The following ARHGAP45 variants were observed in gnomAD, a reference collection of about 807,000 sequenced individuals.
The protein encoded by ARHGAP45 is rho GTPase-activating protein 45.
A neutral mutation model predicts 116.1 loss-of-function variants in ARHGAP45; 56 were observed. The ratio of observed to expected loss-of-function variants is 0.48; its 90% CI spans 0.39 to 0.60. ARHGAP45 has a LOEUF of 0.60. Among genes scored for constraint, ARHGAP45 ranks in the 20% least tolerant of loss-of-function variants. ARHGAP45 has a pLI of 0.00. For synonymous variants in ARHGAP45, 866 were observed against 701.7 expected (o/e 1.23, Z -3.70); for missense variants, 1,622 against 1,601.0 (o/e 1.01, Z -0.22).
intron 22 of ARHGAP45, 37 bp downstream of exon 22, chr19:1,084,383 C>T (rs750520497): frequency 3.9e-6 from 6 of 1,526,316 alleles, no homozygotes; most frequent in Admixed American, 3.8e-5. Context: ...CCAAGGGAGG[C>T]TGGCGTGTGC....
At chr19:1,082,029 G>C (rs2043452893) in intron 19 of ARHGAP45, 68 bp downstream of exon 19, 1 of 1,550,328 alleles carries the variant, frequency 6.5e-7, no homozygotes, top group South Asian at 1.2e-5. Context: ...GAGGCGGGGT[G>C]GGGGTCCGGG....
Position 1,086,083 on chromosome 19 carries a change from G to A in ARHGAP45, c.*77G>A. On this transcript the variant is annotated 3_prime_UTR_variant, in exon 23 of 23. Transcript: ENST00000313093. ...CCTCCAGCACGTCCCCTGCACCACG[G>A]CATAGCTTAGGTGCGCCGTCCTGGG... 2.2e-6 allele frequency: 3 copies of A among 1,334,782 alleles called. No homozygotes were observed. The highest frequency in any genetic ancestry group is 3.1e-6 in the Non-Finnish European group (3 of 956,568). The allele number at this position is 1,334,782 out of a possible 1,614,324, so 82.7% of individuals were successfully genotyped here. A position where few individuals can be genotyped will look rare whatever the true frequency, so the allele number is the denominator to read the frequency against.
Position 1,071,107 on chromosome 19 carries a change from C to G in ARHGAP45, c.422-2042C>G, listed in dbSNP as rs571944304. On this transcript the variant is annotated intron_variant, in intron 2 of 22. Transcript: ENST00000313093. The surrounding 1 kb of genome is among the most constrained non-coding windows in gnomAD (Gnocchi z 4.6). ...TTCCCTGCCCGTCCTCGACCCTCCC[C>G]ACCTCGAAGCTCTGCGGTTAAGGAA... is the stretch of plus-strand genomic sequence containing the variant. 1.8e-6 allele frequency: 2 copies of G among 1,086,224 alleles called. No individual in the cohort carries two copies. Among genetic ancestry groups the G allele is most frequent in the Non-Finnish European group, 2.4e-6 (2 of 836,132 alleles). 67.3% of individuals were successfully genotyped at this position (1,086,224 alleles called of 1,614,324 possible).
chr19:1,067,087 C>T (rs1381224054), upstream of ARHGAP45: 24 of 878,832 alleles, frequency 2.7e-5, no homozygotes, highest in Non-Finnish European at 1.4e-5. Context: ...GCGAGCGGCG[C>T]GGCTCCGAGC....
Position 1,080,713 on chromosome 19 carries a change from C to T in ARHGAP45, c.1944C>T (p.Ser648=), listed in dbSNP as rs138000003. 832 of 1,613,596 alleles carry T rather than the reference C, an allele frequency of 5.2e-4. 2 individuals carry two copies. The African/African-American group carries it at 9.8e-3, about 19-fold the overall frequency. Residue 648 remains serine (S), a synonymous_variant, in exon 16 of 23, where the codon TCC becomes TCT. Transcript: ENST00000313093. ...GDFKKFERTS[S]SGTMSSTEEL... ...TTAAGAAGTTCGAGCGGACGTCATC[C>T]AGTGGTACCATGTCGTCCACGGAGG...
At chr19:1,082,216 G>A (rs994585083) in intron 19 of ARHGAP45, among the ~76,000 whole-genome samples, 6 of 150,434 alleles carry the variant, frequency 4.0e-5, no homozygotes, top group Non-Finnish European at 5.9e-5. Context: ...GGCGGGGTGG[G>A]GCTTGGTCAG....
At chr19:1,082,756 T>TGGG (rs2043477611) in intron 19 of ARHGAP45, 84 bp from the exon 20 acceptor site, 1 of 1,117,618 alleles carries the variant, frequency 8.9e-7, no homozygotes, top group African/African-American at 2.3e-5. Flanking sequence ...TCTGTGGGGG[T>TGGG]GGGGCTGAGG....
At position 1,073,502 on chromosome 19, in the gene ARHGAP45, C is replaced by T. The variant is rs761510474; in HGVS notation, c.566-4C>T. The stretch of plus-strand genomic sequence containing the variant: ...ACCTCCTTGTCCTTATCTCTGCTTC[C>T]CAGCCTTCCATTATGAGAGCAACAA... On this transcript the variant is annotated splice_polypyrimidine_tract_variant and splice_region_variant and intron_variant, in intron 3 of 22. Transcript: ENST00000313093. 15 of 1,613,618 alleles carry T rather than the reference C, an allele frequency of 9.3e-6. No homozygotes were observed. In the South Asian group the frequency reaches 1.5e-4, roughly 17 times the overall value.
chr19:1,069,718 C>T lies in ARHGAP45; in HGVS notation c.421+974C>T, dbSNP rs1475613950. Among the ~76,000 whole-genome samples the T allele has an allele frequency of 6.6e-6, 1 of 152,118 alleles. No individual in the cohort carries two copies. The highest frequency in any genetic ancestry group is 1.5e-5 in the Non-Finnish European group (1 of 68,000). On this transcript the variant is annotated intron_variant, in intron 2 of 22. Coordinates refer to ENST00000313093, the MANE Select transcript of ARHGAP45 (RefSeq NM_012292.5). The surrounding 1 kb of genome is among the most constrained non-coding windows in gnomAD (Gnocchi z 4.1). ...CCTGGGGAAACCCTAATCTCGGTTCCTTTCCGATCCTGGCGCTTCCTTGGA... is the reference window on the plus strand; with the variant it reads ...CCTGGGGAAACCCTAATCTCGGTTCTTTTCCGATCCTGGCGCTTCCTTGGA...
At chr19:1,077,232 G>A in intron 10 of ARHGAP45, 1 of 985,416 alleles carries the variant, frequency 1.0e-6, no homozygotes, top group Non-Finnish European at 1.2e-6. Context: ...ACGCTCCCGT[G>A]GGGGCTGGTG....
intron 2 of ARHGAP45, among the ~76,000 whole-genome samples, chr19:1,070,506 C>T (rs942194797): frequency 9.7e-5 from 11 of 113,028 alleles, no homozygotes; most frequent in Middle Eastern, 4.0e-3. Flanking sequence ...AATTTTTTTT[C>T]TTTCTTTTTT....
intron 19 of ARHGAP45, 95 bp from the exon 20 acceptor site, chr19:1,082,745 C>A: frequency 9.1e-7 from 1 of 1,104,078 alleles, no homozygotes. Flanking sequence ...GTGGCCAGTG[C>A]TCTGTGGGGG....
rs1419251437 is a variant in ARHGAP45, at chr19:1,074,127, G to C, written c.814G>C (p.Asp272His). The C allele has an allele frequency of 1.2e-6, 2 of 1,613,082 alleles. No homozygotes were observed. The highest frequency in any genetic ancestry group is 1.7e-6 in the Non-Finnish European group (2 of 1,179,852). The part of the protein sequence containing the change: ...DAGCLPAEEV[D>H]VLLQRCEGGV... The stretch of plus-strand genomic sequence containing the variant: ...AGGCTGCCTGCCCGCCGAGGAGGTG[G>C]ACGTGCTGCTACAGCGCTGTGAGGG... Residue 272 changes from aspartate (D) to histidine (H), a missense_variant, in exon 7 of 23, where the codon GAC becomes CAC. Physicochemically the swap from Asp to His is moderately conservative, Grantham distance 81. Around this residue, in one of 3 missense-constraint regions of ARHGAP45, gnomAD observed 1,334 missense variants for 1,263.8 expected, o/e 1.06. Coordinates refer to ENST00000313093, the MANE Select transcript of ARHGAP45 (RefSeq NM_012292.5).
In ARHGAP45 at chr19:1,079,968, C is replaced by T. The variant is rs748884541; in HGVS notation, c.1553C>T (p.Ala518Val). 3.1e-6 allele frequency: 5 copies of T among 1,612,476 alleles called. No homozygotes were observed. Among genetic ancestry groups the T allele is most frequent in the East Asian group, 4.5e-5 (2 of 44,884 alleles). ...SYYQMMHMQT[A>V]PLPVHFQMLC... ...TACCAGATGATGCATATGCAGACGGCGCCGCTGCCCGTGCACTTCCAGATG... is the reference window on the plus strand; with the variant it reads ...TACCAGATGATGCATATGCAGACGGTGCCGCTGCCCGTGCACTTCCAGATG... Residue 518 changes from alanine (A) to valine (V), a missense_variant, in exon 13 of 23, where the codon GCG (alanine) becomes GTG (valine). Ala to Val is a moderately conservative substitution (Grantham distance 64). Coordinates refer to ENST00000313093, the MANE Select transcript of ARHGAP45 (RefSeq NM_012292.5).
chr19:1,081,465 C>G (rs4807522), intron 17 of ARHGAP45, 85 bp from the exon 18 acceptor site: 17 of 1,191,752 alleles, frequency 1.4e-5, no homozygotes, highest in Non-Finnish European at 1.9e-5. Flanking sequence ...GCTGTGAGCG[C>G]CCCGGGGAGG....
rs1568492209 is a variant in ARHGAP45, at chr19:1,085,863, GA to G, written c.3269del (p.Glu1090GlyfsTer27). The part of the protein sequence containing the change: ...ATAREDGDGD[E>X]DGPAQQLSGF... ...AGCCCGGGAGGACGGGGACGGGGAC[GA>G]GGACGGCCCGGCCCAGCAGCTCTCA... On this transcript the variant is annotated frameshift_variant, in exon 23 of 23. Transcript: ENST00000313093. LOFTEE classifies it low-confidence loss of function (END_TRUNC). 1 of 1,612,692 alleles carries G rather than the reference GA, an allele frequency of 6.2e-7. No individual in the cohort carries two copies. The highest frequency in any genetic ancestry group is 1.1e-5 in the South Asian group (1 of 91,084).
In ARHGAP45 at chr19:1,067,383, G is replaced by A; in HGVS notation, c.-23G>A. 6.5e-7 allele frequency: 1 copy of A among 1,533,490 alleles called. No individual in the cohort carries two copies. The highest frequency in any genetic ancestry group is 1.9e-4 in the Middle Eastern group (1 of 5,216). The allele number at this position is 1,533,490 out of a possible 1,614,324, so 95.0% of individuals were successfully genotyped here. A position where few individuals can be genotyped will look rare whatever the true frequency, so the allele number is the denominator to read the frequency against. On this transcript the variant is annotated 5_prime_UTR_variant, in exon 1 of 23. Transcript: ENST00000313093. ...GCTGAGACCCCCAGCCCGCCCCCTC[G>A]GGCTCCCGGCCGGGGCCCCATCATG...
intron 22 of ARHGAP45, 39 bp from the exon 23 acceptor site, chr19:1,085,616 TCTCTC>T (rs2043603671): frequency 2.1e-6 from 3 of 1,405,832 alleles, no homozygotes; most frequent in Admixed American, 4.5e-5. Flanking sequence ...CTCTCCTCCA[TCTCTC>T]CTGTCTGTCT....
At chr19:1,075,093 G>A (rs578063523) in intron 10 of ARHGAP45, among the ~76,000 whole-genome samples, 1 of 152,038 alleles carries the variant, frequency 6.6e-6, no homozygotes, top group African/African-American at 2.4e-5. Flanking sequence ...TGCCTGGAAG[G>A]ACCCAGGAGC....
Sources: allele counts gnomAD v4.1 joint callset (sites outside exome capture counted in the v4.1 genomes callset), GRCh38; gene constraint gnomAD v4.1.1; regional missense constraint gnomAD v4.1.1; non-coding constraint Gnocchi (gnomAD v3.1); transcripts MANE v1.5; gene names NCBI Gene and HGNC (gene_info 2026-07-23, HGNC 2026-07-21).